The following NOS1AP variants were observed in gnomAD, a reference collection of about 807,000 sequenced individuals.
NOS1AP encodes the protein nitric oxide synthase 1 adaptor protein, also known as carboxyl-terminal PDZ ligand of neuronal nitric oxide synthase protein.
NOS1AP carries 21 observed loss-of-function variants against 56.2 expected under a neutral mutation model. The ratio of observed to expected loss-of-function variants is 0.37; its 90% CI spans 0.26 to 0.54. The LOEUF is 0.54. Among genes scored for constraint, NOS1AP ranks in the 20% least tolerant of loss-of-function variants. NOS1AP has a pLI of 0.84. For synonymous variants in NOS1AP, 270 were observed against 274.6 expected (o/e 0.98, Z 0.17); for missense variants, 522 against 657.8 (o/e 0.79, Z 2.26).
chr1:162,092,123 C>G (rs924783210), intron 1 of NOS1AP, among the ~76,000 whole-genome samples: 5 of 152,210 alleles, frequency 3.3e-5, no homozygotes, highest in Non-Finnish European at 7.3e-5. Flanking sequence ...TGAACTCTCC[C>G]AGGCCACATT....
intron 8 of NOS1AP, chr1:162,364,480 G>A (rs1345417072): frequency 1.0e-6 from 1 of 985,316 alleles, no homozygotes; most frequent in South Asian, 4.7e-5. Context: ...GGTTGCCCCT[G>A]TCTCCTCCCA....
At chr1:162,137,796 C>A (rs1382925632) in intron 1 of NOS1AP, among the ~76,000 whole-genome samples, 1 of 152,022 alleles carries the variant, frequency 6.6e-6, no homozygotes, top group African/African-American at 2.4e-5. Context: ...TGCTGTATAC[C>A]TAGACGGGCA....
chr1:162,275,214 C>G (rs192198332), intron 2 of NOS1AP, among the ~76,000 whole-genome samples: 4 of 152,276 alleles, frequency 2.6e-5, no homozygotes, highest in African/African-American at 4.8e-5. Flanking sequence ...GAGTCTCACT[C>G]TGTCACCCAG....
At chr1:162,264,260 C>G (rs1654327247) in intron 2 of NOS1AP, among the ~76,000 whole-genome samples, 1 of 152,106 alleles carries the variant, frequency 6.6e-6, no homozygotes, top group African/African-American at 2.4e-5. Context: ...AGCCTCTTCT[C>G]CCTTTACTAA....
chr1:162,078,177 A>T (rs1691811216), intron 1 of NOS1AP, among the ~76,000 whole-genome samples: 1 of 152,122 alleles, frequency 6.6e-6, no homozygotes, highest in Non-Finnish European at 1.5e-5. Context: ...CTCTTCTGTT[A>T]TGCAGGCTGC....
intron 2 of NOS1AP, among the ~76,000 whole-genome samples, chr1:162,262,346 T>C (rs982397127): frequency 2.0e-5 from 3 of 152,204 alleles, no homozygotes; most frequent in African/African-American, 7.2e-5. Flanking sequence ...TCATTGACTA[T>C]AGCAAAGAGG....
In NOS1AP at chr1:162,186,163, C is replaced by T. The variant is rs568261163; in HGVS notation, c.177+31687C>T. On this transcript the variant is annotated intron_variant, in intron 2 of 9. Coordinates refer to ENST00000361897, the MANE Select transcript of NOS1AP (RefSeq NM_014697.3). ...ACCATTTATTTAAGACCTTAAGAAA[C>T]ACTCAGTGAAGCAACATTCTGGTTG... Among the ~76,000 whole-genome samples the T allele has an allele frequency of 8.5e-5, 13 of 152,260 alleles. No homozygotes were observed. The East Asian group carries it at 2.3e-3, about 27-fold the overall frequency.
chr1:162,350,200 C>G (rs992233578), intron 6 of NOS1AP, among the ~76,000 whole-genome samples: 16 of 152,296 alleles, frequency 1.1e-4, no homozygotes, highest in African/African-American at 3.4e-4. Flanking sequence ...CCACCTGACA[C>G]GTCAGCAGGC....
chr1:162,153,565 G>T (rs1401958218), intron 1 of NOS1AP, among the ~76,000 whole-genome samples: 1 of 152,192 alleles, frequency 6.6e-6, no homozygotes, highest in Admixed American at 6.5e-5. Flanking sequence ...ACCAGTAGGG[G>T]AGCCATTATA....
chr1:162,222,015 T>TA (rs1199246062), intron 2 of NOS1AP, among the ~76,000 whole-genome samples: 1 of 152,236 alleles, frequency 6.6e-6, no homozygotes, highest in Non-Finnish European at 1.5e-5. Flanking sequence ...TTTGCCATTA[T>TA]AAAAAATGTT....
At chr1:162,339,401 TAAA>T (rs5778267) in intron 5 of NOS1AP, among the ~76,000 whole-genome samples, 50 of 149,810 alleles carry the variant, frequency 3.3e-4, no homozygotes, top group South Asian at 6.3e-4. Flanking sequence ...ATGCTTTTTT[TAAA>T]AAAAAAAAAA....
At chr1:162,110,099 G>A (rs1000996249) in intron 1 of NOS1AP, among the ~76,000 whole-genome samples, 2 of 152,066 alleles carry the variant, frequency 1.3e-5, no homozygotes, top group African/African-American at 4.8e-5. Flanking sequence ...GCTGGGATTC[G>A]AACCTGGGTC....
At chr1:162,268,529 CT>C (rs1654493408) in intron 2 of NOS1AP, among the ~76,000 whole-genome samples, 1 of 152,150 alleles carries the variant, frequency 6.6e-6, no homozygotes, top group Non-Finnish European at 1.5e-5. Context: ...TCAGCTTTGA[CT>C]TCCACTTTCT....
intron 3 of NOS1AP, among the ~76,000 whole-genome samples, chr1:162,297,987 A>G (rs1231963741): frequency 6.6e-6 from 1 of 152,216 alleles, no homozygotes; most frequent in Non-Finnish European, 1.5e-5. Flanking sequence ...GCCAGTGGGA[A>G]CAGGCATAAA....
At chr1:162,307,336 T>A (rs1257253052) in intron 4 of NOS1AP, among the ~76,000 whole-genome samples, 2 of 152,194 alleles carry the variant, frequency 1.3e-5, no homozygotes, top group Admixed American at 6.5e-5. Context: ...ACAAAACTCC[T>A]TTTTAAAACT....
chr1:162,276,377 T>C lies in NOS1AP; in HGVS notation c.178-10967T>C, dbSNP rs1226062082. Among the ~76,000 whole-genome samples, 3 of 152,144 alleles carry C rather than the reference T, an allele frequency of 2.0e-5. 1 individual carries two copies. Among genetic ancestry groups the C allele is most frequent in the South Asian group, 4.1e-4 (2 of 4,824 alleles). On this transcript the variant is annotated intron_variant, in intron 2 of 9. Transcript: ENST00000361897. ...GAATAGAGATCATGTGGTGCATCAG[T>C]CAGTCCCAGTGAAGAACGGGGAGAC...
At chr1:162,366,777 T>C (rs563779447) in intron 9 of NOS1AP, 2 of 562,520 alleles carry the variant, frequency 3.6e-6, no homozygotes, top group East Asian at 6.3e-5. Context: ...CCACTAACCC[T>C]ATTCAGAGCC....
At chr1:162,222,509 G>A (rs1396124450) in intron 2 of NOS1AP, among the ~76,000 whole-genome samples, 1 of 152,172 alleles carries the variant, frequency 6.6e-6, no homozygotes, top group Non-Finnish European at 1.5e-5. Flanking sequence ...TACAGAAGAT[G>A]CATATTGGTG....
intron 1 of NOS1AP, among the ~76,000 whole-genome samples, chr1:162,152,988 C>T (rs1464174584): frequency 6.6e-6 from 1 of 152,218 alleles, no homozygotes; most frequent in Admixed American, 6.5e-5. Flanking sequence ...TAAGGAAAGG[C>T]AAGTCCCAAT....
Sources: gnomAD v4.1 joint callset for allele counts (sites outside exome capture counted in the v4.1 genomes callset) on GRCh38, gnomAD v4.1.1 for gene constraint, MANE v1.5 for transcripts, NCBI Gene and HGNC (gene_info 2026-07-23, HGNC 2026-07-21) for gene names.